Variants in ZNF138 observed in about 807,000 individuals in gnomAD.
ZNF138 encodes the protein zinc finger protein 138, also known as zinc finger protein 138 (clone pHZ-32).
A neutral mutation model predicts 33.0 loss-of-function variants in ZNF138; 33 were observed. The observed-to-expected ratio is 1.00, with a 90% CI of 0.76 to 1.34. The LOEUF is 1.34. Among genes scored for constraint, ZNF138 ranks in the 40% most tolerant of loss-of-function variants. The pLI is 0.00. For synonymous variants in ZNF138, 139 were observed against 120.4 expected (o/e 1.15, Z -1.01); for missense variants, 360 against 370.8 (o/e 0.97, Z 0.24).
chr7:64,857,956 A>G, the ZNF138 span, among the ~76,000 whole-genome samples: 1 of 152,254 alleles, frequency 6.6e-6, no homozygotes, highest in Non-Finnish European at 1.5e-5. Flanking sequence ...GTAGAACTAT[A>G]GATGAGACTA....
At chr7:64,822,217 C>A (rs1583865720) in intron 3 of ZNF138, among the ~76,000 whole-genome samples, 1 of 151,510 alleles carries the variant, frequency 6.6e-6, no homozygotes, top group African/African-American at 2.4e-5. Flanking sequence ...CCGTGCCTGG[C>A]CAATTTGCAA....
chr7:64,811,348 CT>C (rs1166389350), intron 1 of ZNF138, among the ~76,000 whole-genome samples: 1 of 152,120 alleles, frequency 6.6e-6, no homozygotes, highest in East Asian at 1.9e-4. Flanking sequence ...TGTTATTTTT[CT>C]TTTCTTTTTT....
At chr7:64,845,329 G>C in the ZNF138 span, among the ~76,000 whole-genome samples, 1 of 152,182 alleles carries the variant, frequency 6.6e-6, no homozygotes, top group South Asian at 2.1e-4. Flanking sequence ...CTCGTTGATT[G>C]ATGGGCATTT....
the ZNF138 span, among the ~76,000 whole-genome samples, chr7:64,854,735 T>C: frequency 6.6e-6 from 1 of 152,334 alleles, no homozygotes; most frequent in East Asian, 1.9e-4. Flanking sequence ...AAAGAGAAGA[T>C]TTAGACTTCG....
chr7:64,844,984 T>C, the ZNF138 span, among the ~76,000 whole-genome samples: 2 of 152,194 alleles, frequency 1.3e-5, no homozygotes, highest in African/African-American at 4.8e-5. Flanking sequence ...CGTGCCTGGC[T>C]GAGTAAATTT....
At position 64,810,786 on chromosome 7, in the gene ZNF138, G is replaced by A. The variant is rs1052820863; in HGVS notation, c.4-4132G>A. On this transcript the variant is annotated intron_variant, in intron 1 of 3. Coordinates refer to ENST00000307355, the MANE Select transcript of ZNF138 (RefSeq NM_001271639.2). ...CTTATTTAGGTCTGGCCCCACCCTG[G>A]AGTCTTGCCTCACAGAACTGATTAG... Among the ~76,000 whole-genome samples the A allele has an allele frequency of 1.3e-4, 20 of 152,168 alleles. 1 individual carries two copies. The highest frequency in any genetic ancestry group is 6.5e-5 in the Admixed American group (1 of 15,270).
intron 1 of ZNF138, among the ~76,000 whole-genome samples, chr7:64,797,101 G>A (rs980319398): frequency 2.6e-5 from 4 of 151,330 alleles, no homozygotes; most frequent in Non-Finnish European, 5.9e-5. Flanking sequence ...AGATGTGGTA[G>A]ATAATTGGTG....
chr7:64,798,451 A>G (rs138098880), intron 1 of ZNF138, among the ~76,000 whole-genome samples: 9 of 152,338 alleles, frequency 5.9e-5, no homozygotes, highest in African/African-American at 1.7e-4. Flanking sequence ...CAAAAAAGAA[A>G]ATCTTATACA....
At chr7:64,818,268 G>A (rs1017478800) in intron 3 of ZNF138, among the ~76,000 whole-genome samples, 4 of 152,016 alleles carry the variant, frequency 2.6e-5, no homozygotes, top group East Asian at 1.9e-4. Context: ...TTACAGGTGC[G>A]ATCCACCACG....
At chr7:64,796,714 G>A (rs553766896) in intron 1 of ZNF138, among the ~76,000 whole-genome samples, 1 of 152,264 alleles carries the variant, frequency 6.6e-6, no homozygotes, top group South Asian at 2.1e-4. Flanking sequence ...GAAAAGAATA[G>A]GGAAAATACT....
chr7:64,855,412 G>C, the ZNF138 span, among the ~76,000 whole-genome samples: 15 of 151,372 alleles, frequency 9.9e-5, no homozygotes, highest in African/African-American at 3.7e-4. Flanking sequence ...ACATGAATGA[G>C]ATAAAGTCTT....
chr7:64,805,786 A>G (rs897863168), intron 1 of ZNF138, among the ~76,000 whole-genome samples: 10 of 152,356 alleles, frequency 6.6e-5, no homozygotes, highest in Middle Eastern at 3.4e-3. Flanking sequence ...ACCTGGCTTC[A>G]AGTTGCAAAA....
chr7:64,827,427 G>A (rs899954430), intron 3 of ZNF138, among the ~76,000 whole-genome samples: 1 of 151,640 alleles, frequency 6.6e-6, no homozygotes, highest in African/African-American at 2.4e-5. Context: ...TGTATTTTTA[G>A]TAGAGACAGG....
the ZNF138 span, among the ~76,000 whole-genome samples, chr7:64,852,051 T>G: frequency 1.3e-5 from 2 of 152,352 alleles, no homozygotes; most frequent in Admixed American, 1.3e-4. Context: ...AACTGCTCTT[T>G]GACATGACTA....
At chr7:64,815,073 AAT>A in intron 2 of ZNF138, 29 bp downstream of exon 2, 1 of 1,542,608 alleles carries the variant, frequency 6.5e-7, no homozygotes, top group East Asian at 2.3e-5. Flanking sequence ...CACATTTCCT[AAT>A]ATATCCTAAA....
chr7:64,828,559 C>T (rs1334367021), intron 3 of ZNF138, among the ~76,000 whole-genome samples: 2 of 151,904 alleles, frequency 1.3e-5, no homozygotes, highest in Non-Finnish European at 1.5e-5. Flanking sequence ...ATTTGTTGAC[C>T]GAAATTTGCA....
At chr7:64,799,412 C>T (rs1786964084) in intron 1 of ZNF138, among the ~76,000 whole-genome samples, 1 of 152,166 alleles carries the variant, frequency 6.6e-6, no homozygotes, top group East Asian at 1.9e-4. Flanking sequence ...ATCTGCCCGC[C>T]TCTGCCTCCC....
the ZNF138 span, among the ~76,000 whole-genome samples, chr7:64,851,439 C>T: frequency 1.8e-4 from 27 of 152,146 alleles, no homozygotes; most frequent in South Asian, 6.2e-4. Flanking sequence ...CAAAAATGTA[C>T]GAGCGCAAAG....
At chr7:64,851,695 A>G in the ZNF138 span, among the ~76,000 whole-genome samples, 39 of 152,090 alleles carry the variant, frequency 2.6e-4, no homozygotes, top group African/African-American at 9.4e-4. Context: ...CATTGCAAAA[A>G]GTATCCTTTT....
Sources: gnomAD v4.1 joint callset for allele counts (sites outside exome capture counted in the v4.1 genomes callset) on GRCh38, gnomAD v4.1.1 for gene constraint, MANE v1.5 for transcripts, NCBI Gene and HGNC (gene_info 2026-07-23, HGNC 2026-07-21) for gene names.